MTERF4: variants seen among roughly 807,000 people sequenced by gnomAD.
MTERF4 encodes the protein mitochondrial transcription termination factor 4, also known as transcription termination factor 4, mitochondrial.
A neutral mutation model predicts 22.5 loss-of-function variants in MTERF4; 17 were observed. The observed-to-expected ratio is 0.75, with a 90% CI of 0.52 to 1.13. The LOEUF (loss-of-function observed/expected upper bound fraction) is 1.13. Ranked by LOEUF, MTERF4 falls within the 50% of genes most tolerant of loss-of-function variation. MTERF4 has a pLI of 0.00. For missense variants in MTERF4, 420 were observed against 466.8 expected (o/e 0.90, Z 0.92); for synonymous variants, 165 against 175.3 (o/e 0.94, Z 0.47).
chr2:241,067,803 C>T (rs2062525404), downstream of MTERF4: 10 of 1,612,462 alleles, frequency 6.2e-6, no homozygotes, highest in South Asian at 2.2e-5. Context: ...ACCAATGTGA[C>T]GGCTAGCACC....
At chr2:241,052,478 T>TCGGGGGTCAAG in the MTERF4 span, 924 of 1,484,472 alleles carry the variant, frequency 6.2e-4, 63 homozygotes, top group South Asian at 6.9e-3. Flanking sequence ...GGTGAGAGGG[T>TCGGGGGTCAAG]CAGGGGGATC....
chr2:241,096,045 C>G lies in MTERF4; in HGVS notation c.1099G>C (p.Glu367Gln). 1 of 1,597,606 alleles carries G rather than the reference C, an allele frequency of 6.3e-7. No homozygotes were observed. Among genetic ancestry groups the G allele is most frequent in the Non-Finnish European group, 8.5e-7 (1 of 1,177,808 alleles). ...TCATCCTCATCATTGTCCTCCGCCT[C>G]GTCGTCGTCCTCATCATCGTCATCC... Reference protein sequence around the residue: ...DEDDDDEDDDEAEDNDEDEDD... With the variant: ...DEDDDDEDDDQAEDNDEDEDD... Residue 367 changes from glutamate (E) to glutamine (Q), a missense_variant, in exon 4 of 4, where the codon GAG (glutamate) becomes CAG (glutamine). By Grantham distance (29) the Glu-to-Gln change is conservative (BLOSUM62 2). Coordinates refer to ENST00000391980, the MANE Select transcript of MTERF4 (RefSeq NM_182501.4). This position sits in a 1 kb window ranked among gnomAD's most constrained non-coding sequence, Gnocchi z 5.1.
chr2:241,049,235 C>G, the MTERF4 span: 7 of 862,342 alleles, frequency 8.1e-6, no homozygotes, highest in African/African-American at 1.0e-4. Flanking sequence ...CCCTACTTCC[C>G]TTCTGACTCT....
At chr2:241,042,989 G>C in the MTERF4 span, among the ~76,000 whole-genome samples, 1 of 151,998 alleles carries the variant, frequency 6.6e-6, no homozygotes, top group Non-Finnish European at 1.5e-5. Context: ...ACAGTATCAA[G>C]CAGCCTGGGA....
At chr2:241,081,456 C>T (rs1022940107) in intron 4 of MTERF4, among the ~76,000 whole-genome samples, 4 of 152,154 alleles carry the variant, frequency 2.6e-5, no homozygotes, top group Admixed American at 1.3e-4. Context: ...AGGTCAGGGC[C>T]GAGCACACTG....
downstream of MTERF4, chr2:241,070,017 T>C: frequency 6.2e-7 from 1 of 1,612,980 alleles, no homozygotes; most frequent in Non-Finnish European, 8.5e-7. Flanking sequence ...TGCTGGAGGC[T>C]TATGTCATCA....
At chr2:241,090,213 T>A, downstream of MTERF4, 1 of 1,478,860 alleles carries the variant, frequency 6.8e-7, no homozygotes, top group South Asian at 1.4e-5. Context: ...AATTTTTAAT[T>A]GTTTTTTACT....
chr2:241,089,475 C>G (rs556041464), downstream of MTERF4: 27 of 1,520,490 alleles, frequency 1.8e-5, 1 homozygote, highest in Middle Eastern at 3.4e-4. Flanking sequence ...GTCCACACCC[C>G]CTTGGGGGAA....
At chr2:241,056,083 G>A in the MTERF4 span, among the ~76,000 whole-genome samples, 11 of 149,276 alleles carry the variant, frequency 7.4e-5, no homozygotes, top group Admixed American at 6.6e-5. Flanking sequence ...AGAAACAATC[G>A]ATAGAAAAAG....
At chr2:241,059,926 A>G in the MTERF4 span, among the ~76,000 whole-genome samples, 1 of 152,206 alleles carries the variant, frequency 6.6e-6, no homozygotes, top group Non-Finnish European at 1.5e-5. Flanking sequence ...AAGAAAAGGA[A>G]ATAAAAGGAA....
intron 1 of MTERF4, among the ~76,000 whole-genome samples, chr2:241,100,852 C>T (rs142716216): frequency 6.6e-6 from 1 of 152,260 alleles, no homozygotes; most frequent in African/African-American, 2.4e-5. Flanking sequence ...GGTGTGGGGG[C>T]GGTCTGGTGC....
the MTERF4 span, among the ~76,000 whole-genome samples, chr2:241,066,287 C>G: frequency 6.6e-6 from 1 of 152,110 alleles, no homozygotes; most frequent in South Asian, 2.1e-4. Context: ...GCTGAGCGCT[C>G]TAGGGAAGGC....
chr2:241,052,283 G>T, the MTERF4 span: 2 of 1,453,146 alleles, frequency 1.4e-6, no homozygotes, highest in Non-Finnish European at 1.9e-6. Flanking sequence ...GGGTGCAGGA[G>T]GCAGGATGCC....
the MTERF4 span, chr2:241,064,094 A>G: frequency 6.4e-7 from 1 of 1,567,808 alleles, no homozygotes; most frequent in Admixed American, 1.9e-5. The surrounding 1 kb of genome is among the most constrained non-coding windows in gnomAD (Gnocchi z 7.0). Context: ...GCGTCTGCCC[A>G]GAGAGCTTCT....
chr2:241,062,745 C>T, the MTERF4 span: 14 of 1,340,432 alleles, frequency 1.0e-5, no homozygotes, highest in East Asian at 3.1e-4. Context: ...CTTAATTTGG[C>T]TTAATCGTGG....
At chr2:241,081,890 C>A in intron 4 of MTERF4, 1 of 920,138 alleles carries the variant, frequency 1.1e-6, no homozygotes, top group Non-Finnish European at 1.7e-6. Flanking sequence ...CGGGAGCCTC[C>A]AAACGATGAG....
At chr2:241,048,238 G>C in the MTERF4 span, 1 of 1,452,906 alleles carries the variant, frequency 6.9e-7, no homozygotes, top group South Asian at 1.4e-5. Flanking sequence ...ACCCAAAGGT[G>C]CCATTGGAGC....
Position 241,096,642 on chromosome 2 carries a change from A to G in MTERF4, c.706-204T>C. ...TTCAAATTCATCCTGAGAAACATGG[A>G]GCAGGAAATAAAGGGGTGGGAGGGA... On this transcript the variant is annotated intron_variant, in intron 3 of 3. Transcript: ENST00000391980. This position sits in a 1 kb window ranked among gnomAD's most constrained non-coding sequence, Gnocchi z 5.1. 1.4e-6 allele frequency: 1 copy of G among 708,946 alleles called. No individual in the cohort carries two copies. The highest frequency in any genetic ancestry group is 2.6e-6 in the Non-Finnish European group (1 of 383,438). The allele number at this position is 708,946 out of a possible 1,614,324, so 43.9% of individuals were successfully genotyped here.
chr2:241,062,781 C>T, the MTERF4 span: 1 of 1,594,710 alleles, frequency 6.3e-7, no homozygotes, highest in Admixed American at 1.7e-5. Flanking sequence ...CTTGGGCTCT[C>T]TCCTCTCAGA....
Sources: allele counts gnomAD v4.1 joint callset (sites outside exome capture counted in the v4.1 genomes callset), GRCh38; gene constraint gnomAD v4.1.1; non-coding constraint Gnocchi (gnomAD v3.1); transcripts MANE v1.5; gene names NCBI Gene and HGNC (gene_info 2026-07-23, HGNC 2026-07-21).